SHOC1: variants seen among roughly 807,000 people sequenced by gnomAD.
SHOC1 encodes shortage in chiasmata 1.
Under a neutral mutation model 179.2 loss-of-function variants are expected in SHOC1, and 136 were observed. The ratio of observed to expected loss-of-function variants is 0.76; its 90% CI spans 0.66 to 0.87. SHOC1 has a LOEUF of 0.87. SHOC1 is among the 40% of genes least tolerant of loss of function. The pLI is 0.00. For missense variants in SHOC1, 1,538 were observed against 1,700.8 expected (o/e 0.90, Z 1.68); for synonymous variants, 489 against 586.6 (o/e 0.83, Z 2.41).
At chr9:111,722,707 AAAT>A in intron 14 of SHOC1, 122 bp from the exon 15 acceptor site, 2 of 696,878 alleles carry the variant, frequency 2.9e-6, no homozygotes, top group Non-Finnish European at 4.5e-6. Flanking sequence ...TCTGAGTTAA[AAAT>A]AATGAGATTG....
intron 5 of SHOC1, among the ~76,000 whole-genome samples, chr9:111,766,022 T>C (rs1353104586): frequency 1.3e-5 from 2 of 152,140 alleles, no homozygotes; most frequent in African/African-American, 4.8e-5. Flanking sequence ...TGGTAATAAA[T>C]ACATTATGTT....
intron 12 of SHOC1, among the ~76,000 whole-genome samples, chr9:111,734,314 A>G (rs1363595918): frequency 6.6e-6 from 1 of 152,204 alleles, no homozygotes; most frequent in Non-Finnish European, 1.5e-5. Context: ...AAATCACAAT[A>G]AAGACTTTAC....
intron 1 of SHOC1, 66 bp from the exon 2 acceptor site, chr9:111,791,520 C>G (rs1836443740): frequency 3.0e-6 from 2 of 659,826 alleles, no homozygotes. Flanking sequence ...AAATCTCAAT[C>G]ACAAAACTTT....
intron 25 of SHOC1, 37 bp from the exon 26 acceptor site, chr9:111,693,985 T>G: frequency 2.0e-6 from 3 of 1,531,554 alleles, no homozygotes; most frequent in Non-Finnish European, 2.7e-6. Context: ...GTCAGTAGTC[T>G]TTTGAAAGTG....
At chr9:111,741,851 C>A (rs1233601266) in intron 10 of SHOC1, among the ~76,000 whole-genome samples, 1 of 152,052 alleles carries the variant, frequency 6.6e-6, no homozygotes, top group Non-Finnish European at 1.5e-5. Flanking sequence ...AGGCTGGTCT[C>A]CAGCTCCTGA....
chr9:111,722,542 A>G lies in SHOC1; in HGVS notation c.1998T>C (p.Ser666=). 1 of 1,607,806 alleles carries G rather than the reference A, an allele frequency of 6.2e-7. No individual in the cohort carries two copies. The highest frequency in any genetic ancestry group is 8.5e-7 in the Non-Finnish European group (1 of 1,178,826). Reference sequence around the variant, plus strand: ...AGGATACAAGGTTTTTTAAGATAGGAGAAGCTGCTGCTTCGAGGAGGCAAA... The same window carrying G: ...AGGATACAAGGTTTTTTAAGATAGGGGAAGCTGCTGCTTCGAGGAGGCAAA... ...QAFCLLEAAA[S]PILKNLVSLC... Residue 666 remains serine (S), a synonymous_variant, in exon 15 of 28, where the codon TCT becomes TCC. Coordinates refer to ENST00000682961, the MANE Select transcript of SHOC1 (RefSeq NM_001378211.1).
At chr9:111,728,317 T>C (rs543242381) in intron 12 of SHOC1, among the ~76,000 whole-genome samples, 26 of 152,160 alleles carry the variant, frequency 1.7e-4, no homozygotes, top group Non-Finnish European at 2.5e-4. Context: ...CATAGGCTTA[T>C]GAATCATACC....
chr9:111,712,156 A>G (rs13286103), intron 18 of SHOC1, among the ~76,000 whole-genome samples: 8,380 of 152,290 alleles, frequency 0.055, 567 homozygotes, highest in African/African-American at 0.16. Flanking sequence ...CAAGGAACTG[A>G]AGATGAATAT....
intron 10 of SHOC1, among the ~76,000 whole-genome samples, chr9:111,741,843 G>T (rs999389447): frequency 6.6e-6 from 1 of 152,062 alleles, no homozygotes; most frequent in African/African-American, 2.4e-5. Context: ...TGTGGGCCAG[G>T]CTGGTCTCCA....
chr9:111,757,863 C>T (rs1834939537), intron 7 of SHOC1, among the ~76,000 whole-genome samples: 1 of 152,202 alleles, frequency 6.6e-6, no homozygotes, highest in African/African-American at 2.4e-5. Context: ...GAATATATCT[C>T]AGGCTTCAAC....
intron 26 of SHOC1, 46 bp downstream of exon 26, chr9:111,693,753 G>A (rs1831557196): frequency 2.4e-6 from 3 of 1,256,064 alleles, no homozygotes; most frequent in South Asian, 2.0e-5. Flanking sequence ...TACTCAAATC[G>A]AAAGGAAATA....
At chr9:111,761,139 A>G (rs1277141697) in intron 5 of SHOC1, among the ~76,000 whole-genome samples, 2 of 152,176 alleles carry the variant, frequency 1.3e-5, no homozygotes, top group African/African-American at 4.8e-5. Flanking sequence ...TATTGGGGCA[A>G]TTATCAAAAA....
chr9:111,710,629 T>G (rs912762408), intron 18 of SHOC1, among the ~76,000 whole-genome samples: 1 of 152,142 alleles, frequency 6.6e-6, no homozygotes. Context: ...GATAAGAGGA[T>G]CATTTCTAAG....
At chr9:111,758,464 C>T (rs1022066238) in intron 6 of SHOC1, among the ~76,000 whole-genome samples, 6 of 152,164 alleles carry the variant, frequency 3.9e-5, no homozygotes, top group Non-Finnish European at 8.8e-5. Context: ...GGCACAGTGG[C>T]GCACGCCTGT....
chr9:111,722,392 C>G lies in SHOC1; in HGVS notation c.2131+17G>C. The G allele has an allele frequency of 1.3e-6, 2 of 1,567,172 alleles. No homozygotes were observed. ...AAGCATATCTTTTTAAATAACGTGA[C>G]TTTTATTTGTACTCACCTTGGCGAA... On this transcript the variant is annotated intron_variant, in intron 15 of 27. Transcript: ENST00000682961.
chr9:111,738,120 G>A (rs1444765713), intron 12 of SHOC1, 160 bp downstream of exon 12: 3 of 537,500 alleles, frequency 5.6e-6, no homozygotes, highest in Non-Finnish European at 3.1e-6. Flanking sequence ...AAGAAAATGG[G>A]ACCTAGAGAA....
chr9:111,793,043 C>T (rs1364550917), intron 1 of SHOC1, among the ~76,000 whole-genome samples: 4 of 152,116 alleles, frequency 2.6e-5, no homozygotes, highest in South Asian at 2.1e-4. Context: ...CCAACACGCC[C>T]GGCTAATTTT....
At chr9:111,711,339 G>C (rs1303416929) in intron 18 of SHOC1, among the ~76,000 whole-genome samples, 1 of 152,096 alleles carries the variant, frequency 6.6e-6, no homozygotes, top group Non-Finnish European at 1.5e-5. Flanking sequence ...GATTCTTTCT[G>C]AATAATGCAC....
At chr9:111,782,131 G>A (rs1411102147) in intron 3 of SHOC1, among the ~76,000 whole-genome samples, 2 of 152,194 alleles carry the variant, frequency 1.3e-5, no homozygotes, top group African/African-American at 4.8e-5. Flanking sequence ...AGAATGGCAT[G>A]AACCCGGGAG....
Sources: allele counts gnomAD v4.1 joint callset (sites outside exome capture counted in the v4.1 genomes callset), GRCh38; gene constraint gnomAD v4.1.1; transcripts MANE v1.5; gene names NCBI Gene and HGNC (gene_info 2026-07-23, HGNC 2026-07-21).